Variants in GIPC2 observed in about 807,000 individuals in gnomAD.
The protein encoded by GIPC2 is GIPC PDZ domain containing family member 2, also known as PDZ domain-containing protein GIPC2.
Under a neutral mutation model 30.6 loss-of-function variants are expected in GIPC2, and 30 were observed. That is an observed-to-expected ratio of 0.98 (90% CI 0.73 to 1.33). The LOEUF (loss-of-function observed/expected upper bound fraction) is 1.33, where lower values mean the gene tolerates loss of function less well. Among genes scored for constraint, GIPC2 ranks in the 40% most tolerant of loss-of-function variants. The probability of loss-of-function intolerance (pLI) is 0.00; values close to 1 mark genes in which losing one functional copy is unlikely to be tolerated. For synonymous variants in GIPC2, 167 were observed against 150.0 expected, an observed-to-expected ratio of 1.11 and a Z score of -0.83; for missense variants, 414 against 390.3, an observed-to-expected ratio of 1.06 and a Z score of -0.51.
At chr1:78,099,333 TTAATAAAGGCGA>T in intron 3 of GIPC2, among the ~76,000 whole-genome samples, 1 of 152,084 alleles carries the variant, frequency 6.6e-6, no homozygotes, top group East Asian at 1.9e-4. Context: ...ATAAATAAAT[TTAATAAAGGCGA>T]TTAGAGGTGC....
At chr1:78,076,522 A>G (rs1327354640) in intron 1 of GIPC2, among the ~76,000 whole-genome samples, 1 of 152,190 alleles carries the variant, frequency 6.6e-6, no homozygotes, top group East Asian at 1.9e-4. Flanking sequence ...CAGGCAATCT[A>G]GATCCCTCGC....
Position 78,135,670 on chromosome 1 carries a change from A to G in GIPC2, c.875A>G (p.Asp292Gly), listed in dbSNP as rs765353955. 31 of 1,612,636 alleles carry G rather than the reference A, an allele frequency of 1.9e-5. No homozygotes were observed. In the East Asian group the frequency reaches 6.7e-4, roughly 35 times the overall value. ...FAVALDETLGDFAFPDEFVFD... is the reference protein window; with the variant it reads ...FAVALDETLGGFAFPDEFVFD... ...GTGGCACTTGACGAAACTCTTGGAG[A>G]CTTTGCGTTCCCAGACGAATTTGTC... The change falls in exon 6 of 6, where the codon GAC becomes GGC. Residue 292 changes from aspartate (D) to glycine (G), a missense_variant. Coordinates refer to ENST00000370759, the MANE Select transcript of GIPC2 (RefSeq NM_017655.6).
At chr1:78,127,487 G>T (rs948548435) in intron 5 of GIPC2, among the ~76,000 whole-genome samples, 2 of 152,198 alleles carry the variant, frequency 1.3e-5, no homozygotes, top group Non-Finnish European at 2.9e-5. Context: ...TGGGGATTTG[G>T]CTATTACCTG....
At chr1:78,066,097 G>T (rs1214672052) in intron 1 of GIPC2, among the ~76,000 whole-genome samples, 2 of 152,102 alleles carry the variant, frequency 1.3e-5, no homozygotes, top group Non-Finnish European at 2.9e-5. Flanking sequence ...TATCAGCAGA[G>T]TAAACAGACA....
chr1:78,061,033 T>G (rs1661383169), intron 1 of GIPC2, among the ~76,000 whole-genome samples: 1 of 152,112 alleles, frequency 6.6e-6, no homozygotes, highest in Admixed American at 6.6e-5. Flanking sequence ...CCTTGCAGTG[T>G]CTCATAGGGC....
intron 1 of GIPC2, among the ~76,000 whole-genome samples, chr1:78,065,149 T>A (rs1021053428): frequency 1.3e-4 from 20 of 152,098 alleles, no homozygotes; most frequent in Non-Finnish European, 2.4e-4. Context: ...ATTTAAAAAA[T>A]TTTTTGTAGA....
chr1:78,074,474 C>T (rs571720550), intron 1 of GIPC2, among the ~76,000 whole-genome samples: 1 of 152,350 alleles, frequency 6.6e-6, no homozygotes, highest in African/African-American at 2.4e-5. Context: ...CCTCCCACTT[C>T]AGCCTCCTGA....
upstream of GIPC2, chr1:78,045,198 G>A (rs1661045121): frequency 2.5e-6 from 1 of 400,286 alleles, no homozygotes; most frequent in Non-Finnish European, 3.4e-6. Flanking sequence ...AGTAGTGTGG[G>A]GGCAAAGTCT....
intron 3 of GIPC2, among the ~76,000 whole-genome samples, chr1:78,107,397 G>T (rs995501699): frequency 3.9e-5 from 6 of 152,034 alleles, no homozygotes; most frequent in Non-Finnish European, 5.9e-5. Flanking sequence ...TGCCAGCCTT[G>T]GCCTCCCAAA....
intron 3 of GIPC2, among the ~76,000 whole-genome samples, chr1:78,113,492 A>G (rs142232739): frequency 6.6e-6 from 1 of 151,844 alleles, no homozygotes; most frequent in Non-Finnish European, 1.5e-5. Flanking sequence ...GGCTCAAGCA[A>G]TCCTCCTGCT....
In GIPC2 at chr1:78,091,664, A is replaced by G. The variant is rs1466143692; in HGVS notation, c.427-3288A>G. 6.5e-6 allele frequency: 5 copies of G among 772,772 alleles called. No homozygotes were observed. In the Admixed American group the frequency reaches 6.8e-5, roughly 11 times the overall value. The allele number at this position is 772,772 out of a possible 1,614,324, so 47.9% of individuals were successfully genotyped here. ...CTGGAGAATATGGCATATGGATCTT[A>G]TTCAGTCTGCTGTTTTCTATAGTGT... On this transcript the variant is annotated intron_variant, in intron 2 of 5. Transcript: ENST00000370759.
intron 2 of GIPC2, among the ~76,000 whole-genome samples, chr1:78,089,441 A>G (rs1247720329): frequency 2.0e-5 from 3 of 152,244 alleles, no homozygotes; most frequent in African/African-American, 2.4e-5. Flanking sequence ...ACAATAAACT[A>G]TTACATAATT....
At chr1:78,087,882 C>T (rs1159780354) in intron 2 of GIPC2, among the ~76,000 whole-genome samples, 1 of 151,964 alleles carries the variant, frequency 6.6e-6, no homozygotes, top group Non-Finnish European at 1.5e-5. Flanking sequence ...GGTCTAATAT[C>T]CAGCATCTTT....
intron 1 of GIPC2, among the ~76,000 whole-genome samples, chr1:78,065,324 A>G (rs1661484409): frequency 6.7e-6 from 1 of 148,808 alleles, no homozygotes; most frequent in Admixed American, 6.7e-5. Context: ...TTACCACATG[A>G]AAAAAAAAAT....
At chr1:78,090,440 C>G (rs1349145314) in intron 2 of GIPC2, among the ~76,000 whole-genome samples, 1 of 152,062 alleles carries the variant, frequency 6.6e-6, no homozygotes, top group Non-Finnish European at 1.5e-5. Context: ...GGTGATCTGC[C>G]CGCCTCACCC....
rs561843559 is a variant in GIPC2, at chr1:78,102,651, G to C, written c.607+7519G>C. Among the ~76,000 whole-genome samples, 4 of 152,258 alleles carry C rather than the reference G, an allele frequency of 2.6e-5. No homozygotes were observed. In the South Asian group the frequency reaches 6.2e-4, roughly 24 times the overall value. ...AAGTTATTTAACCTTTCTGTGCCTT[G>C]GTCTCCTCATACAAAATGTGAAGAT... On this transcript the variant is annotated intron_variant, in intron 3 of 5. Coordinates refer to ENST00000370759, the MANE Select transcript of GIPC2 (RefSeq NM_017655.6).
At chr1:78,080,882 T>C in intron 2 of GIPC2, 22 bp downstream of exon 2, 1 of 1,400,880 alleles carries the variant, frequency 7.1e-7, no homozygotes, top group African/African-American at 1.4e-5. Flanking sequence ...AAAATAACAG[T>C]GTAACCTAAT....
At chr1:78,105,476 C>T (rs556853384) in intron 3 of GIPC2, among the ~76,000 whole-genome samples, 141 of 151,998 alleles carry the variant, frequency 9.3e-4, no homozygotes, top group African/African-American at 2.7e-3. Flanking sequence ...TTAGTAGAGA[C>T]GGGGTTTCAC....
intron 1 of GIPC2, among the ~76,000 whole-genome samples, chr1:78,066,239 C>T (rs1358120153): frequency 6.6e-6 from 1 of 152,078 alleles, no homozygotes; most frequent in African/African-American, 2.4e-5. Context: ...TGAACAGACA[C>T]TTTTCAAAAG....
Sources: gnomAD v4.1 joint callset for allele counts (sites outside exome capture counted in the v4.1 genomes callset) on GRCh38, gnomAD v4.1.1 for gene constraint, MANE v1.5 for transcripts, NCBI Gene and HGNC (gene_info 2026-07-23, HGNC 2026-07-21) for gene names.